Variants in TIRAP observed in about 807,000 individuals in gnomAD.
TIRAP encodes TIR domain containing adaptor protein.
A neutral mutation model predicts 19.8 loss-of-function variants in TIRAP; 20 were observed. That is an observed-to-expected ratio of 1.01 (90% CI 0.71 to 1.47). TIRAP has a LOEUF of 1.47. TIRAP is among the 40% of genes most tolerant of loss of function. TIRAP has a pLI of 0.00. For missense variants in TIRAP, 276 were observed against 285.1 expected, an observed-to-expected ratio of 0.97 and a Z score of 0.23; for synonymous variants, 125 against 121.7, an observed-to-expected ratio of 1.03 and a Z score of -0.18.
rs371062583 is a variant in TIRAP at position 126,292,604 on chromosome 11, G to A, written c.195G>A (p.Thr65=). Residue 65 remains threonine (T), a synonymous_variant, in exon 4 of 5, where the codon ACG becomes ACA. Transcript: ENST00000392679. ...TACCCCCAAGCCTCAGCTCAGTCACGTCTCCCAGCCTGCCACCCACACATG... is the reference window on the plus strand; with the variant it reads ...TACCCCCAAGCCTCAGCTCAGTCACATCTCCCAGCCTGCCACCCACACATG... ...SPLPPSLSSV[T]SPSLPPTHAS... The A allele has an allele frequency of 5.0e-6, 8 of 1,614,140 alleles. No homozygotes were observed. The highest frequency in any genetic ancestry group is 6.8e-6 in the Non-Finnish European group (8 of 1,180,032).
chr11:126,293,549 A>G, intron 4 of TIRAP, 119 bp from the exon 5 acceptor site: 2 of 1,173,138 alleles, frequency 1.7e-6, no homozygotes, highest in Non-Finnish European at 2.6e-6. Context: ...GGGGAGGGCC[A>G]TGCTATTGCA....
In TIRAP at chr11:126,294,169, G is replaced by A; in HGVS notation, c.*482G>A. On this transcript the variant is annotated 3_prime_UTR_variant, in exon 5 of 5. Transcript: ENST00000392679. Reference sequence around the variant, plus strand: ...AAGCCTAGATTGCAGGCCTCACCATGGATGGTCTTCCTAGTTGCCTGGGGA... The same window carrying A: ...AAGCCTAGATTGCAGGCCTCACCATAGATGGTCTTCCTAGTTGCCTGGGGA... 4.1e-6 allele frequency: 1 copy of A among 245,080 alleles called. No homozygotes were observed. The highest frequency in any genetic ancestry group is 4.9e-5 in the South Asian group (1 of 20,296). 15.2% of individuals were successfully genotyped at this position (245,080 alleles called of 1,614,324 possible). A position where few individuals can be genotyped will look rare whatever the true frequency, so the allele number is the denominator to read the frequency against.
chr11:126,284,576 C>T (rs754578117), intron 1 of TIRAP, among the ~76,000 whole-genome samples: 5 of 152,022 alleles, frequency 3.3e-5, no homozygotes, highest in East Asian at 3.9e-4. Flanking sequence ...TGTAAGCAGG[C>T]GGGGAACAGT....
rs1008081118 is a variant in TIRAP at position 126,287,034 on chromosome 11, TG to T, written c.-216-3425del. 2.6e-5 allele frequency among the ~76,000 whole-genome samples: 4 copies of T among 152,178 alleles called. No homozygotes were observed. Among genetic ancestry groups the T allele is most frequent in the African/African-American group, 9.6e-5 (4 of 41,456 alleles). ...TCTTTGTGGTTACATTAAACTCACC[TG>T]GGTAATCCAGGAATCCCTCCCCATC... On this transcript the variant is annotated intron_variant, in intron 1 of 4. Coordinates refer to ENST00000392679, the MANE Select transcript of TIRAP (RefSeq NM_001318777.2). The surrounding 1 kb of genome is among the most constrained non-coding windows in gnomAD (Gnocchi z 4.2).
Position 126,292,470 on chromosome 11 carries a change from C to T in TIRAP, c.68-7C>T, listed in dbSNP as rs749865186. 21 of 1,613,434 alleles carry T rather than the reference C, an allele frequency of 1.3e-5. No homozygotes were observed. Among genetic ancestry groups the T allele is most frequent in the Non-Finnish European group, 1.7e-5 (20 of 1,179,878 alleles). On this transcript the variant is annotated splice_polypyrimidine_tract_variant and splice_region_variant and intron_variant, in intron 3 of 4. Coordinates refer to ENST00000392679, the MANE Select transcript of TIRAP (RefSeq NM_001318777.2). Reference sequence around the variant, plus strand: ...ACACAGGCCTGAGCAGTGTTTCTCCCCCACAGACTGGTTCAGGCAGACCCT... The same window carrying T: ...ACACAGGCCTGAGCAGTGTTTCTCCTCCACAGACTGGTTCAGGCAGACCCT...
rs1951390902 is a variant in TIRAP at position 126,291,704 on chromosome 11, T to C, written c.67+743T>C. ...CCGTACCCCTTCCTTCCTGTATACG[T>C]AGCCCTTCCTAATCTAAGTCCACCT... On this transcript the variant is annotated intron_variant, in intron 3 of 4. Coordinates refer to ENST00000392679, the MANE Select transcript of TIRAP (RefSeq NM_001318777.2). The surrounding 1 kb of genome is among the most constrained non-coding windows in gnomAD (Gnocchi z 5.6). The C allele has an allele frequency of 2.7e-6, 1 of 368,560 alleles. No individual in the cohort carries two copies. Among genetic ancestry groups the C allele is most frequent in the African/African-American group, 2.1e-5 (1 of 46,924 alleles). 22.8% of individuals were successfully genotyped at this position (368,560 alleles called of 1,614,324 possible). A position where few individuals can be genotyped will look rare whatever the true frequency, so the allele number is the denominator to read the frequency against.
chr11:126,291,396 C>T lies in TIRAP; in HGVS notation c.67+435C>T, dbSNP rs766752020. Reference sequence around the variant, plus strand: ...CTTATGGAGTCCCATACTCCAAACACAGACCTGAGCAGTGTTTCTCCCCCA... The same window carrying T: ...CTTATGGAGTCCCATACTCCAAACATAGACCTGAGCAGTGTTTCTCCCCCA... On this transcript the variant is annotated intron_variant, in intron 3 of 4. Transcript: ENST00000392679. This position sits in a 1 kb window ranked among gnomAD's most constrained non-coding sequence, Gnocchi z 5.6. 6 of 1,307,090 alleles carry T rather than the reference C, an allele frequency of 4.6e-6. No homozygotes were observed. The South Asian group carries it at 7.3e-5, about 16-fold the overall frequency. The allele number at this position is 1,307,090 out of a possible 1,614,324, so 81.0% of individuals were successfully genotyped here. A position where few individuals can be genotyped will look rare whatever the true frequency, so the allele number is the denominator to read the frequency against.
intron 1 of TIRAP, among the ~76,000 whole-genome samples, chr11:126,286,895 C>T (rs1436596980): frequency 1.3e-5 from 2 of 152,190 alleles, no homozygotes; most frequent in African/African-American, 4.8e-5. Flanking sequence ...AGGAAAGAAC[C>T]CATGGACTTG....
chr11:126,293,804 T>C lies in TIRAP; in HGVS notation c.*117T>C. 1 of 1,139,708 alleles carries C rather than the reference T, an allele frequency of 8.8e-7. No individual in the cohort carries two copies. The highest frequency in any genetic ancestry group is 1.3e-6 in the Non-Finnish European group (1 of 755,132). The allele number at this position is 1,139,708 out of a possible 1,614,324, so 70.6% of individuals were successfully genotyped here. A position where few individuals can be genotyped will look rare whatever the true frequency, so the allele number is the denominator to read the frequency against. On this transcript the variant is annotated 3_prime_UTR_variant, in exon 5 of 5. Coordinates refer to ENST00000392679, the MANE Select transcript of TIRAP (RefSeq NM_001318777.2). Reference sequence around the variant, plus strand: ...GGTATAGGGAGTGAGTCACAGCGCTTTGCTCGTGACCCTGGGATCAGAGCA... The same window carrying C: ...GGTATAGGGAGTGAGTCACAGCGCTCTGCTCGTGACCCTGGGATCAGAGCA...
rs538949337 is a variant in TIRAP at position 126,287,590 on chromosome 11, A to T, written c.-216-2872A>T. Among the ~76,000 whole-genome samples the T allele has an allele frequency of 2.0e-5, 3 of 152,178 alleles. No individual in the cohort carries two copies. The highest frequency in any genetic ancestry group is 6.5e-5 in the Admixed American group (1 of 15,292). ...CACCTCGGCCTCCCAAAGTGCTGGG[A>T]TTACAGGCATGAGCCACTGTGCCCA... On this transcript the variant is annotated intron_variant, in intron 1 of 4. Coordinates refer to ENST00000392679, the MANE Select transcript of TIRAP (RefSeq NM_001318777.2). The surrounding 1 kb of genome is among the most constrained non-coding windows in gnomAD (Gnocchi z 4.2).
chr11:126,283,216 CG>C, intron 1 of TIRAP, 63 bp downstream of exon 1: 1 of 907,308 alleles, frequency 1.1e-6, no homozygotes, highest in Non-Finnish European at 1.3e-6. Flanking sequence ...GGGTGGGCGA[CG>C]GAGCGCGGCC....
At position 126,293,839 on chromosome 11, in the gene TIRAP, C is replaced by A. The variant is rs1951439741; in HGVS notation, c.*152C>A. ...CCCTGGGATCAGAGCACCCATCAGG[C>A]TTCCATTACTGTGGGCTCCCTAAGA... On this transcript the variant is annotated 3_prime_UTR_variant, in exon 5 of 5. Transcript: ENST00000392679. 1.2e-6 allele frequency: 1 copy of A among 833,032 alleles called. No homozygotes were observed. The highest frequency in any genetic ancestry group is 2.0e-6 in the Non-Finnish European group (1 of 498,786). 51.6% of individuals were successfully genotyped at this position (833,032 alleles called of 1,614,324 possible). A position where few individuals can be genotyped will look rare whatever the true frequency, so the allele number is the denominator to read the frequency against.
chr11:126,291,704 TA>T lies in TIRAP; in HGVS notation c.67+744del. ...CCGTACCCCTTCCTTCCTGTATACG[TA>T]GCCCTTCCTAATCTAAGTCCACCTC... On this transcript the variant is annotated intron_variant, in intron 3 of 4. Transcript: ENST00000392679. This position sits in a 1 kb window ranked among gnomAD's most constrained non-coding sequence, Gnocchi z 5.6. 1 of 368,678 alleles carries T rather than the reference TA, an allele frequency of 2.7e-6. No homozygotes were observed. Among genetic ancestry groups the T allele is most frequent in the South Asian group, 2.0e-5 (1 of 50,874 alleles). 22.8% of individuals were successfully genotyped at this position (368,678 alleles called of 1,614,324 possible).
chr11:126,283,174 C>CG, intron 1 of TIRAP, 21 bp downstream of exon 1: 4 of 981,294 alleles, frequency 4.1e-6, no homozygotes, highest in Non-Finnish European at 4.8e-6. Flanking sequence ...GGCGGGGTCG[C>CG]GGGGGACCGG....
Position 126,290,338 on chromosome 11 carries a change from C to T in TIRAP, c.-216-124C>T. 1 of 727,530 alleles carries T rather than the reference C, an allele frequency of 1.4e-6. No individual in the cohort carries two copies. Among genetic ancestry groups the T allele is most frequent in the Non-Finnish European group, 1.7e-6 (1 of 594,680 alleles). The allele number at this position is 727,530 out of a possible 1,614,324, so 45.1% of individuals were successfully genotyped here. A position where few individuals can be genotyped will look rare whatever the true frequency, so the allele number is the denominator to read the frequency against. On this transcript the variant is annotated intron_variant, in intron 1 of 4. Transcript: ENST00000392679. The surrounding 1 kb of genome is among the most constrained non-coding windows in gnomAD (Gnocchi z 4.9). Reference sequence around the variant, plus strand: ...ATGGATGGAGTTATTCAGGGGGAGGCAGACTTGGAGGAAAAGTCTCCCAAG... The same window carrying T: ...ATGGATGGAGTTATTCAGGGGGAGGTAGACTTGGAGGAAAAGTCTCCCAAG...
chr11:126,285,643 C>T (rs11220441), intron 1 of TIRAP, among the ~76,000 whole-genome samples: 1 of 152,002 alleles, frequency 6.6e-6, no homozygotes, highest in African/African-American at 2.4e-5. Context: ...AACAGAAGTT[C>T]TTCATTCTAA....
At chr11:126,284,033 C>CTTTTTTTTT (rs749115228) in intron 1 of TIRAP, among the ~76,000 whole-genome samples, 2 of 113,202 alleles carry the variant, frequency 1.8e-5, no homozygotes, top group Non-Finnish European at 3.4e-5. Flanking sequence ...TCATGTACTT[C>CTTTTTTTTT]TTTTTTTTTT....
In TIRAP at chr11:126,294,792, T is replaced by C; in HGVS notation, c.*1105T>C. ...TCTAGTTCTAGAAAGAGAAAATTTA[T>C]TTTTTAAATTATAAACTATTTTGCC... is the stretch of plus-strand genomic sequence containing the variant. On this transcript the variant is annotated 3_prime_UTR_variant, in exon 5 of 5. Transcript: ENST00000392679. 1 of 303,154 alleles carries C rather than the reference T, an allele frequency of 3.3e-6. No individual in the cohort carries two copies. The highest frequency in any genetic ancestry group is 6.5e-6 in the Non-Finnish European group (1 of 154,700). The allele number at this position is 303,154 out of a possible 1,614,324, so 18.8% of individuals were successfully genotyped here.
intron 1 of TIRAP, among the ~76,000 whole-genome samples, chr11:126,283,853 A>T (rs1273772202): frequency 1.3e-5 from 2 of 152,196 alleles, no homozygotes; most frequent in African/African-American, 2.4e-5. Context: ...TTTTAGATTT[A>T]AAAGAGTTGA....
Sources: allele counts gnomAD v4.1 joint callset (sites outside exome capture counted in the v4.1 genomes callset), GRCh38; gene constraint gnomAD v4.1.1; non-coding constraint Gnocchi (gnomAD v3.1); transcripts MANE v1.5; gene names NCBI Gene and HGNC (gene_info 2026-07-23, HGNC 2026-07-21).